The following MDGA2 variants were observed in gnomAD, a reference collection of about 807,000 sequenced individuals.
The protein encoded by MDGA2 is MAM domain-containing glycosylphosphatidylinositol anchor protein 2.
In MDGA2, 40 loss-of-function variants were observed where a neutral mutation model predicts 117.8. That is an observed-to-expected ratio of 0.34 (90% confidence interval 0.26 to 0.44). The LOEUF (loss-of-function observed/expected upper bound fraction) is 0.44, where lower values mean the gene tolerates loss of function less well. Among genes scored for constraint, MDGA2 ranks in the 20% least tolerant of loss-of-function variants. The probability of loss-of-function intolerance (pLI) is 1.00; values close to 1 mark genes in which losing one functional copy is unlikely to be tolerated. For missense variants in MDGA2, 1,123 were observed against 1,250.6 expected (o/e 0.90, Z 1.54); for synonymous variants, 452 against 439.0 (o/e 1.03, Z -0.37).
intron 10 of MDGA2, among the ~76,000 whole-genome samples, chr14:46,908,438 T>C (rs527539689): frequency 6.6e-6 from 1 of 152,130 alleles, no homozygotes; most frequent in Admixed American, 6.6e-5. Context: ...AATAATTATT[T>C]AAGTAAGCAT....
intron 1 of MDGA2, among the ~76,000 whole-genome samples, chr14:47,496,982 G>A (rs189899851): frequency 9.2e-5 from 14 of 151,924 alleles, no homozygotes; most frequent in Middle Eastern, 3.4e-3. Context: ...TCTCATGCAC[G>A]TGCAGTTTAG....
At chr14:47,613,061 C>G (rs1896881772) in intron 1 of MDGA2, among the ~76,000 whole-genome samples, 1 of 152,126 alleles carries the variant, frequency 6.6e-6, no homozygotes, top group Admixed American at 6.5e-5. Flanking sequence ...GAGTTTTAAG[C>G]ACCTTCCAAA....
chr14:47,073,386 C>A (rs185960582), intron 6 of MDGA2, among the ~76,000 whole-genome samples: 15 of 152,268 alleles, frequency 9.9e-5, no homozygotes, highest in African/African-American at 2.9e-4. Flanking sequence ...CTCTATAGAG[C>A]CTCAATCTCC....
intron 1 of MDGA2, among the ~76,000 whole-genome samples, chr14:47,659,265 T>A (rs1362493605): frequency 6.6e-6 from 1 of 152,210 alleles, no homozygotes; most frequent in Non-Finnish European, 1.5e-5. Context: ...GCTTTACTAT[T>A]TTCATTATTT....
At chr14:47,107,801 T>C (rs1454583645) in intron 5 of MDGA2, among the ~76,000 whole-genome samples, 2 of 151,020 alleles carry the variant, frequency 1.3e-5, no homozygotes, top group Non-Finnish European at 2.9e-5. Context: ...TTGACCTTAC[T>C]GTTTTAGCCT....
At chr14:46,932,008 G>A (rs1331611804) in intron 9 of MDGA2, among the ~76,000 whole-genome samples, 1 of 152,006 alleles carries the variant, frequency 6.6e-6, no homozygotes, top group Non-Finnish European at 1.5e-5. Flanking sequence ...TAATGTGTGT[G>A]TACATAACCC....
chr14:47,636,562 T>C (rs1244460833), intron 1 of MDGA2, among the ~76,000 whole-genome samples: 2 of 152,054 alleles, frequency 1.3e-5, no homozygotes, highest in Non-Finnish European at 2.9e-5. Context: ...GGTGGGCAGA[T>C]CACCTGAGGT....
At chr14:47,079,697 G>A (rs1051881448) in intron 6 of MDGA2, among the ~76,000 whole-genome samples, 1 of 101,722 alleles carries the variant, frequency 9.8e-6, no homozygotes, top group Non-Finnish European at 2.1e-5. Flanking sequence ...CAAATATACT[G>A]TGTTATTTGT....
At chr14:46,965,197 ACAGGCGCGAGCCACCGCGCCCGGCC>A (rs1885978942) in intron 8 of MDGA2, among the ~76,000 whole-genome samples, 1 of 151,272 alleles carries the variant, frequency 6.6e-6, no homozygotes, top group African/African-American at 2.4e-5. Context: ...TGCTGGGATT[ACAGGCGCGAGCCACCGCGCCCGGCC>A]TATATTTACT....
intron 1 of MDGA2, among the ~76,000 whole-genome samples, chr14:47,455,142 T>C (rs1213728670): frequency 6.6e-6 from 1 of 152,212 alleles, no homozygotes; most frequent in Non-Finnish European, 1.5e-5. Context: ...CTTGTAACAT[T>C]TCTGTTGTAC....
At chr14:46,889,952 T>C (rs1432015109) in intron 10 of MDGA2, among the ~76,000 whole-genome samples, 4 of 152,042 alleles carry the variant, frequency 2.6e-5, no homozygotes, top group Non-Finnish European at 5.9e-5. Context: ...ACCCACTCTA[T>C]TGCCTTTCTT....
At chr14:47,538,175 G>A (rs1895262688) in intron 1 of MDGA2, among the ~76,000 whole-genome samples, 3 of 152,258 alleles carry the variant, frequency 2.0e-5, no homozygotes, top group Admixed American at 1.3e-4. Flanking sequence ...GTGCTAGCAC[G>A]TTGTAACCAT....
At chr14:47,343,114 C>T (rs1447091147) in intron 1 of MDGA2, 20 of 1,235,900 alleles carry the variant, frequency 1.6e-5, no homozygotes, top group Non-Finnish European at 2.0e-5. Context: ...TAACCAGATG[C>T]TCGAGGCACA....
intron 3 of MDGA2, among the ~76,000 whole-genome samples, chr14:47,159,215 AGGTT>A (rs781240885): frequency 7.9e-5 from 12 of 152,168 alleles, no homozygotes; most frequent in Non-Finnish European, 1.5e-4. Context: ...GTGTCAATGC[AGGTT>A]CATCAATTAT....
At chr14:47,272,809 C>T (rs79798084) in intron 2 of MDGA2, among the ~76,000 whole-genome samples, 4,717 of 152,196 alleles carry the variant, frequency 0.031, 168 homozygotes, top group East Asian at 0.18. Context: ...AACACCTTTC[C>T]ATTTTTAAAA....
intron 1 of MDGA2, among the ~76,000 whole-genome samples, chr14:47,386,813 T>A (rs7149079): frequency 6.6e-6 from 1 of 152,048 alleles, no homozygotes. Flanking sequence ...CATAAACTCA[T>A]GAGGCACACT....
chr14:47,651,248 GTGTA>G (rs1289008703), intron 1 of MDGA2, among the ~76,000 whole-genome samples: 5 of 117,262 alleles, frequency 4.3e-5, no homozygotes, highest in African/African-American at 1.5e-4. Flanking sequence ...GTGTGTGTGT[GTGTA>G]TACCCATAAA....
At chr14:46,958,160 A>G (rs1385151816) in intron 8 of MDGA2, among the ~76,000 whole-genome samples, 1 of 152,202 alleles carries the variant, frequency 6.6e-6, no homozygotes, top group African/African-American at 2.4e-5. Flanking sequence ...ATGAGAGTTG[A>G]CCAGGCAAGT....
At chr14:47,046,727 GTTTA>G (rs960399752) in intron 7 of MDGA2, among the ~76,000 whole-genome samples, 1 of 151,996 alleles carries the variant, frequency 6.6e-6, no homozygotes, top group African/African-American at 2.4e-5. Context: ...ACTCCAAACA[GTTTA>G]TTATACAAAC....
Sources: gnomAD v4.1 joint callset for allele counts (sites outside exome capture counted in the v4.1 genomes callset) on GRCh38, gnomAD v4.1.1 for gene constraint, MANE v1.5 for transcripts, NCBI Gene and HGNC (gene_info 2026-07-23, HGNC 2026-07-21) for gene names.